The following SRBD1 variants were observed in gnomAD, a reference collection of about 807,000 sequenced individuals.
SRBD1 encodes the protein S1 RNA binding domain 1.
In SRBD1, 88 loss-of-function variants were observed where a neutral mutation model predicts 115.3. The observed-to-expected ratio is 0.76, with a 90% CI of 0.64 to 0.91. SRBD1 has a LOEUF of 0.91. SRBD1 is among the 40% of genes least tolerant of loss of function. The pLI, the probability that SRBD1 is intolerant of heterozygous loss-of-function variation, is 0.00. For synonymous variants in SRBD1, 509 were observed against 407.7 expected (o/e 1.25, Z -2.99); for missense variants, 1,385 against 1,177.4 (o/e 1.18, Z -2.58).
chr2:45,412,788 A>G (rs1667641198), intron 19 of SRBD1, among the ~76,000 whole-genome samples: 2 of 152,214 alleles, frequency 1.3e-5, no homozygotes, highest in Admixed American at 1.3e-4. Context: ...TATCTTTAGA[A>G]AAGCACAAGT....
intron 16 of SRBD1, among the ~76,000 whole-genome samples, chr2:45,431,761 G>A (rs1303755891): frequency 1.3e-5 from 2 of 151,830 alleles, no homozygotes; most frequent in Admixed American, 1.3e-4. Flanking sequence ...ATGTATCCCA[G>A]AACTTAAAGT....
intron 16 of SRBD1, among the ~76,000 whole-genome samples, chr2:45,440,772 G>C (rs1668643257): frequency 6.6e-6 from 1 of 152,082 alleles, no homozygotes; most frequent in African/African-American, 2.4e-5. Flanking sequence ...AATCTGATCT[G>C]AAACTATGGT....
Position 45,464,135 on chromosome 2 carries a change from A to C in SRBD1, c.2049+12858T>G, listed in dbSNP as rs79902036. ...CCTTGCAGAGGGGGTAAAGAAATGG[A>C]GATGTATGCTAAATTAAAGAACTCC... On this transcript the variant is annotated intron_variant, in intron 16 of 20. Coordinates refer to ENST00000263736, the MANE Select transcript of SRBD1 (RefSeq NM_018079.5). 6.9e-3 allele frequency among the ~76,000 whole-genome samples: 1,048 copies of C among 151,658 alleles called. 14 individuals are homozygous for C. Among genetic ancestry groups the C allele is most frequent in the African/African-American group, 0.024 (999 of 41,368 alleles).
intron 5 of SRBD1, among the ~76,000 whole-genome samples, chr2:45,584,831 T>C (rs1003000080): frequency 6.6e-6 from 1 of 152,162 alleles, no homozygotes; most frequent in African/African-American, 2.4e-5. Context: ...CAATCCACTA[T>C]TGTTAAATTA....
chr2:45,605,828 C>A (rs1674251355), intron 1 of SRBD1, among the ~76,000 whole-genome samples: 1 of 149,946 alleles, frequency 6.7e-6, no homozygotes, highest in Non-Finnish European at 1.5e-5. Flanking sequence ...CACTTGAACC[C>A]AGGAGGTGGA....
rs776685353 is a variant in SRBD1 at position 45,417,528 on chromosome 2, G to A, written c.2333+837C>T. 6.8e-4 allele frequency among the ~76,000 whole-genome samples: 104 copies of A among 152,094 alleles called. 1 individual carries two copies. Among genetic ancestry groups the A allele is most frequent in the Non-Finnish European group, 1.5e-4 (10 of 68,012 alleles). Reference sequence around the variant, plus strand: ...TTAATCAGTCTTTTCCAGAAGAAAGGTTATCTTCCATATGACCTCTATTAT... The same window carrying A: ...TTAATCAGTCTTTTCCAGAAGAAAGATTATCTTCCATATGACCTCTATTAT... On this transcript the variant is annotated intron_variant, in intron 18 of 20. Transcript: ENST00000263736.
chr2:45,587,430 T>G (rs1443537262), intron 4 of SRBD1, among the ~76,000 whole-genome samples: 2 of 151,946 alleles, frequency 1.3e-5, no homozygotes, highest in Non-Finnish European at 2.9e-5. Context: ...AAAATCCAAT[T>G]TTAGTAGCTT....
In SRBD1 at chr2:45,599,731, C is replaced by G. The variant is rs758033341; in HGVS notation, c.366G>C (p.Ala122=). 6.2e-7 allele frequency: 1 copy of G among 1,614,180 alleles called. No homozygotes were observed. The highest frequency in any genetic ancestry group is 2.2e-5 in the East Asian group (1 of 44,884). ...KTAKTKQKCA[A]QPHTVRRTKK... ...TAGTCCTTCGAACTGTATGTGGCTGCGCTGCACATTTCTGTTTTGTCTTGG... is the reference window on the plus strand; with the variant it reads ...TAGTCCTTCGAACTGTATGTGGCTGGGCTGCACATTTCTGTTTTGTCTTGG... Residue 122 remains alanine, a synonymous_variant, in exon 4 of 21, where the codon GCG becomes GCC. Transcript: ENST00000263736.
At chr2:45,529,656 T>C (rs1470764549) in intron 14 of SRBD1, among the ~76,000 whole-genome samples, 1 of 151,836 alleles carries the variant, frequency 6.6e-6, no homozygotes, top group African/African-American at 2.4e-5. Context: ...TACAACCAGA[T>C]ACAGAGTCTC....
chr2:45,590,536 T>A (rs1673688033), intron 4 of SRBD1, among the ~76,000 whole-genome samples: 1 of 152,154 alleles, frequency 6.6e-6, no homozygotes, highest in South Asian at 2.1e-4. Context: ...AGGGGTGGTT[T>A]TCCCCATGCT....
At chr2:45,575,917 T>C (rs1054038368) in intron 7 of SRBD1, among the ~76,000 whole-genome samples, 1 of 152,198 alleles carries the variant, frequency 6.6e-6, no homozygotes, top group Non-Finnish European at 1.5e-5. Context: ...TTGGCCAGCC[T>C]GGTCTCGAAC....
chr2:45,392,351 G>C (rs1184162305), intron 20 of SRBD1, among the ~76,000 whole-genome samples: 5 of 152,150 alleles, frequency 3.3e-5, no homozygotes, highest in Non-Finnish European at 7.4e-5. Context: ...ACTTCCTTGG[G>C]AAGTAGGTCA....
intron 9 of SRBD1, 66 bp from the exon 10 acceptor site, chr2:45,562,822 G>A: frequency 7.3e-6 from 7 of 955,070 alleles, no homozygotes; most frequent in South Asian, 5.2e-5. Flanking sequence ...AGGCGACTAT[G>A]TAGCTGACAG....
chr2:45,588,526 C>A (rs767627440), intron 4 of SRBD1, among the ~76,000 whole-genome samples: 8 of 152,186 alleles, frequency 5.3e-5, no homozygotes, highest in Non-Finnish European at 7.3e-5. Context: ...ACCACAGAAA[C>A]CTTAGGAGAT....
intron 13 of SRBD1, among the ~76,000 whole-genome samples, chr2:45,547,116 G>C (rs541814073): frequency 1.3e-5 from 2 of 152,166 alleles, no homozygotes; most frequent in Non-Finnish European, 2.9e-5. Context: ...CAAAATCAGA[G>C]ATAAGTCAAC....
intron 15 of SRBD1, among the ~76,000 whole-genome samples, chr2:45,478,639 T>C (rs1271781105): frequency 2.0e-5 from 3 of 152,212 alleles, no homozygotes; most frequent in African/African-American, 7.2e-5. Flanking sequence ...ACATTTATAA[T>C]TACAGATTTA....
chr2:45,495,284 G>A (rs1368067690), intron 14 of SRBD1, among the ~76,000 whole-genome samples: 1 of 152,166 alleles, frequency 6.6e-6, no homozygotes, highest in African/African-American at 2.4e-5. Flanking sequence ...ACTTCACAGA[G>A]ATGACAAACT....
intron 19 of SRBD1, among the ~76,000 whole-genome samples, chr2:45,401,207 G>T (rs1201925713): frequency 6.6e-6 from 1 of 152,168 alleles, no homozygotes; most frequent in East Asian, 1.9e-4. Flanking sequence ...CAGCCACTAG[G>T]GAGGGTGAGG....
intron 16 of SRBD1, among the ~76,000 whole-genome samples, chr2:45,452,716 G>A (rs1369233287): frequency 6.6e-6 from 1 of 151,836 alleles, no homozygotes; most frequent in Non-Finnish European, 1.5e-5. Context: ...CCAATATTTG[G>A]TTCTGAATGT....
Sources: allele counts gnomAD v4.1 joint callset (sites outside exome capture counted in the v4.1 genomes callset), GRCh38; gene constraint gnomAD v4.1.1; transcripts MANE v1.5; gene names NCBI Gene and HGNC (gene_info 2026-07-23, HGNC 2026-07-21).